Variants in TTC27 observed in about 807,000 individuals in gnomAD.
TTC27 encodes tetratricopeptide repeat protein 27.
TTC27 carries 79 observed loss-of-function variants against 115.9 expected under a neutral mutation model. That is an observed-to-expected ratio of 0.68 (90% CI 0.57 to 0.82). The LOEUF is 0.82. Among genes scored for constraint, TTC27 ranks in the 40% least tolerant of loss-of-function variants. TTC27 has a pLI of 0.00. For synonymous variants in TTC27, 401 were observed against 356.0 expected (o/e 1.13, Z -1.42); for missense variants, 1,054 against 993.1 (o/e 1.06, Z -0.82).
chr2:32,757,008 T>C (rs977633353), intron 12 of TTC27, among the ~76,000 whole-genome samples: 2 of 152,162 alleles, frequency 1.3e-5, no homozygotes, highest in Non-Finnish European at 2.9e-5. Context: ...GTGCAATGTA[T>C]TGAGGATGAT....
intron 18 of TTC27, among the ~76,000 whole-genome samples, chr2:32,815,834 C>T (rs77819840): frequency 2.0e-5 from 3 of 152,256 alleles, no homozygotes; most frequent in African/African-American, 7.2e-5. Flanking sequence ...CTTAACATTG[C>T]TAATTATTAT....
At chr2:32,670,694 T>C (rs1475951523) in intron 7 of TTC27, among the ~76,000 whole-genome samples, 1 of 152,134 alleles carries the variant, frequency 6.6e-6, no homozygotes, top group East Asian at 1.9e-4. Flanking sequence ...CTCAGCTTAC[T>C]GCAACCTCCA....
At chr2:32,646,405 G>C (rs1354741008) in intron 4 of TTC27, among the ~76,000 whole-genome samples, 2 of 151,946 alleles carry the variant, frequency 1.3e-5, no homozygotes, top group African/African-American at 4.8e-5. Flanking sequence ...GTGGCTTCAA[G>C]TGATCTTCCT....
intron 5 of TTC27, among the ~76,000 whole-genome samples, chr2:32,662,872 G>A (rs570619942): frequency 6.6e-6 from 1 of 152,134 alleles, no homozygotes; most frequent in African/African-American, 2.4e-5. Flanking sequence ...TGATGTTAGG[G>A]TGTCGATTTT....
chr2:32,807,832 C>T (rs915090524), intron 16 of TTC27, among the ~76,000 whole-genome samples: 1 of 151,770 alleles, frequency 6.6e-6, no homozygotes, highest in African/African-American at 2.4e-5. Context: ...ATCGACTTTC[C>T]TTGTAACTTT....
At chr2:32,634,029 T>C (rs768095365) in intron 3 of TTC27, 24 bp downstream of exon 3, 2 of 1,599,498 alleles carry the variant, frequency 1.3e-6, no homozygotes, top group Non-Finnish European at 1.7e-6. Flanking sequence ...AAATGTTGTA[T>C]GTAATTATTA....
At chr2:32,736,946 A>G in intron 12 of TTC27, 130 bp downstream of exon 12, 1 of 1,296,560 alleles carries the variant, frequency 7.7e-7, no homozygotes, top group Non-Finnish European at 1.0e-6. Context: ...TTTTTCCAGA[A>G]AACTTTTAAA....
At chr2:32,749,906 A>T (rs1373795795) in intron 12 of TTC27, among the ~76,000 whole-genome samples, 2 of 152,206 alleles carry the variant, frequency 1.3e-5, no homozygotes, top group Admixed American at 1.3e-4. Flanking sequence ...AAAGGTAGAA[A>T]TGGGAAAAAA....
chr2:32,748,237 T>C (rs1668894344), intron 12 of TTC27, among the ~76,000 whole-genome samples: 8 of 152,342 alleles, frequency 5.3e-5, no homozygotes, highest in Admixed American at 3.3e-4. Context: ...ATTGTTTAAT[T>C]TCCACAAAAT....
chr2:32,666,558 C>G lies in TTC27; in HGVS notation c.806-77C>G. The G allele has an allele frequency of 2.7e-6, 4 of 1,456,908 alleles. No homozygotes were observed. The South Asian group carries it at 4.4e-5, about 16-fold the overall frequency. The allele number at this position is 1,456,908 out of a possible 1,614,324, so 90.2% of individuals were successfully genotyped here. A position where few individuals can be genotyped will look rare whatever the true frequency, so the allele number is the denominator to read the frequency against. ...AATACCTTGTAAACTCTAAAGCACT[C>G]TGAAAATATTACTCTTCATGACTGT... On this transcript the variant is annotated intron_variant, in intron 6 of 19. Coordinates refer to ENST00000317907, the MANE Select transcript of TTC27 (RefSeq NM_017735.5).
At chr2:32,749,027 G>A (rs1032904425) in intron 12 of TTC27, among the ~76,000 whole-genome samples, 3 of 152,138 alleles carry the variant, frequency 2.0e-5, no homozygotes, top group African/African-American at 7.2e-5. Flanking sequence ...GATTACTTAA[G>A]ATAGTTGATT....
At position 32,791,238 on chromosome 2, in the gene TTC27, C is replaced by T. The variant is rs545458104; in HGVS notation, c.1998+4089C>T. On this transcript the variant is annotated intron_variant, in intron 16 of 19. Coordinates refer to ENST00000317907, the MANE Select transcript of TTC27 (RefSeq NM_017735.5). The stretch of plus-strand genomic sequence containing the variant: ...CTCATATATAGCCATACTTCTTTCC[C>T]CAAGGTAAATTCTGATGTTGATTTG... Among the ~76,000 whole-genome samples, 10 of 152,226 alleles carry T rather than the reference C, an allele frequency of 6.6e-5. No individual in the cohort carries two copies. In the South Asian group the frequency reaches 2.1e-3, roughly 32 times the overall value.
At chr2:32,702,340 G>A (rs574907094) in intron 9 of TTC27, among the ~76,000 whole-genome samples, 3 of 151,802 alleles carry the variant, frequency 2.0e-5, no homozygotes, top group Non-Finnish European at 4.4e-5. Flanking sequence ...TTTACATTGT[G>A]CTCATTATAC....
intron 11 of TTC27, among the ~76,000 whole-genome samples, chr2:32,734,167 T>A (rs1668381718): frequency 6.6e-6 from 1 of 152,162 alleles, no homozygotes; most frequent in Non-Finnish European, 1.5e-5. Context: ...AATAAAATAA[T>A]AGAATCATAA....
At chr2:32,636,394 A>G (rs1480496208) in intron 3 of TTC27, among the ~76,000 whole-genome samples, 1 of 152,084 alleles carries the variant, frequency 6.6e-6, no homozygotes, top group East Asian at 1.9e-4. Flanking sequence ...TTGTATTTTT[A>G]GTAGAGACGG....
At chr2:32,683,956 C>A (rs188269487) in intron 9 of TTC27, among the ~76,000 whole-genome samples, 1 of 151,950 alleles carries the variant, frequency 6.6e-6, no homozygotes, top group Non-Finnish European at 1.5e-5. Context: ...TAGTTTGTGA[C>A]CCGCCTGGCC....
In TTC27 at chr2:32,666,714, C is replaced by G. The variant is rs1180402274; in HGVS notation, c.885C>G (p.Val295=). Residue 295 remains valine (V), a synonymous_variant, in exon 7 of 20, where the codon GTC becomes GTG. Coordinates refer to ENST00000317907, the MANE Select transcript of TTC27 (RefSeq NM_017735.5). ...TAGATGTAAGAAGGGAAGGGGATGTCCTTTCAAATTGTGAATTCACTCCAG... is the reference window on the plus strand; with the variant it reads ...TAGATGTAAGAAGGGAAGGGGATGTGCTTTCAAATTGTGAATTCACTCCAG... ...LILDVRREGD[V]LSNCEFTPAP... is the part of the protein sequence containing the mutation. The G allele has an allele frequency of 6.2e-7, 1 of 1,613,986 alleles. No individual in the cohort carries two copies. The highest frequency in any genetic ancestry group is 1.7e-5 in the Admixed American group (1 of 60,006).
chr2:32,698,377 C>T (rs1667064537), intron 9 of TTC27, among the ~76,000 whole-genome samples: 1 of 151,868 alleles, frequency 6.6e-6, no homozygotes. Flanking sequence ...AGTGATTCTC[C>T]CACTTCAGCC....
intron 9 of TTC27, among the ~76,000 whole-genome samples, chr2:32,683,916 G>T (rs1263075651): frequency 6.6e-6 from 1 of 152,076 alleles, no homozygotes; most frequent in African/African-American, 2.4e-5. Context: ...AGCACTTTGG[G>T]AGGCCAAGGT....
Sources: gnomAD v4.1 joint callset for allele counts (sites outside exome capture counted in the v4.1 genomes callset) on GRCh38, gnomAD v4.1.1 for gene constraint, MANE v1.5 for transcripts, NCBI Gene and HGNC (gene_info 2026-07-23, HGNC 2026-07-21) for gene names.